RANBP2: variants seen among roughly 807,000 people sequenced by gnomAD.
The protein encoded by RANBP2 is E3 SUMO-protein ligase RanBP2.
RANBP2 carries 57 observed loss-of-function variants against 303.6 expected under a neutral mutation model. The ratio of observed to expected loss-of-function variants is 0.19; its 90% CI spans 0.15 to 0.23. The LOEUF (loss-of-function observed/expected upper bound fraction) is 0.23, where lower values mean the gene tolerates loss of function less well. RANBP2 is among the 10% of genes least tolerant of loss of function. The pLI, the probability that RANBP2 is intolerant of heterozygous loss-of-function variation, is 1.00. For synonymous variants in RANBP2, 1,167 were observed against 1,301.5 expected (o/e 0.90, Z 2.23); for missense variants, 3,138 against 3,780.8 (o/e 0.83, Z 4.46).
At chr2:109,680,039 T>A in the RANBP2 span, among the ~76,000 whole-genome samples, 1 of 150,764 alleles carries the variant, frequency 6.6e-6, no homozygotes, top group East Asian at 1.9e-4. Context: ...AGAGAAAAAA[T>A]AAAAATAAAA....
At chr2:108,800,741 A>G in the RANBP2 span, among the ~76,000 whole-genome samples, 1 of 111,850 alleles carries the variant, frequency 8.9e-6, no homozygotes, top group Non-Finnish European at 1.8e-5. Flanking sequence ...CTCATCATCT[A>G]GCATTAGGTA....
chr2:108,761,890 C>G (rs1191416251), intron 18 of RANBP2, among the ~76,000 whole-genome samples: 2 of 152,116 alleles, frequency 1.3e-5, no homozygotes, highest in East Asian at 1.9e-4. Flanking sequence ...ATGCTATTCT[C>G]TTATTCTTCA....
chr2:108,958,490 T>G, the RANBP2 span, among the ~76,000 whole-genome samples: 1,188 of 144,696 alleles, frequency 8.2e-3, 8 homozygotes, highest in South Asian at 0.03. Context: ...CTCACAAGGG[T>G]GCGTTTGTTC....
the RANBP2 span, among the ~76,000 whole-genome samples, chr2:109,697,498 A>G: frequency 2.0e-5 from 3 of 152,096 alleles, no homozygotes; most frequent in African/African-American, 7.2e-5. Context: ...AAAAAAAAAA[A>G]AAAGAGGCTT....
chr2:109,077,005 A>T, the RANBP2 span, among the ~76,000 whole-genome samples: 1 of 150,740 alleles, frequency 6.6e-6, no homozygotes, highest in Non-Finnish European at 1.5e-5. Flanking sequence ...CTGCAAAGCC[A>T]TACTAATCAA....
the RANBP2 span, among the ~76,000 whole-genome samples, chr2:108,796,404 C>A: frequency 8.5e-5 from 13 of 152,154 alleles, no homozygotes; most frequent in Admixed American, 8.5e-4. Context: ...GTAAGTACAG[C>A]CACTGTGGAA....
the RANBP2 span, among the ~76,000 whole-genome samples, chr2:109,126,694 AAC>A: frequency 2.0e-5 from 3 of 152,336 alleles, no homozygotes; most frequent in South Asian, 6.2e-4. Flanking sequence ...CAGGGACAGC[AAC>A]ACACACTGCA....
chr2:108,984,553 C>G, the RANBP2 span, among the ~76,000 whole-genome samples: 1 of 152,156 alleles, frequency 6.6e-6, no homozygotes, highest in Admixed American at 6.5e-5. Flanking sequence ...CTCACCCCAC[C>G]CCAGGGCCTC....
the RANBP2 span, among the ~76,000 whole-genome samples, chr2:109,726,644 C>T: frequency 4.5e-4 from 68 of 152,258 alleles, no homozygotes; most frequent in African/African-American, 1.6e-3. Context: ...ATCCTGCTAA[C>T]CAAGGAGTCT....
the RANBP2 span, chr2:109,564,420 C>T: frequency 1.3e-6 from 2 of 1,594,452 alleles, no homozygotes; most frequent in East Asian, 2.2e-5. Context: ...CTCCAGTTTG[C>T]AGCGCCTGTA....
At chr2:109,358,546 T>A in the RANBP2 span, among the ~76,000 whole-genome samples, 1 of 152,214 alleles carries the variant, frequency 6.6e-6, no homozygotes, top group Non-Finnish European at 1.5e-5. Flanking sequence ...TTGCTCCACA[T>A]CCTCATCAAC....
chr2:108,820,304 A>G, the RANBP2 span, among the ~76,000 whole-genome samples: 78 of 152,312 alleles, frequency 5.1e-4, no homozygotes, highest in African/African-American at 1.7e-3. Flanking sequence ...AAAACGAAGA[A>G]AAGTGACGAC....
At chr2:108,798,708 T>TACACAC in the RANBP2 span, 122 of 429,152 alleles carry the variant, frequency 2.8e-4, no homozygotes, top group African/African-American at 1.9e-3. Flanking sequence ...TCTCCACGCC[T>TACACAC]ACACACACAC....
chr2:108,826,350 A>G, the RANBP2 span, among the ~76,000 whole-genome samples: 15 of 152,144 alleles, frequency 9.9e-5, no homozygotes, highest in African/African-American at 7.2e-5. Flanking sequence ...ACAAAGATTT[A>G]TCTGTATGTT....
At chr2:109,591,607 G>C in the RANBP2 span, among the ~76,000 whole-genome samples, 1 of 152,164 alleles carries the variant, frequency 6.6e-6, no homozygotes, top group Non-Finnish European at 1.5e-5. Context: ...TAATCTTACT[G>C]AATTACTGGC....
the RANBP2 span, among the ~76,000 whole-genome samples, chr2:109,200,206 A>T: frequency 1.3e-5 from 2 of 152,038 alleles, no homozygotes; most frequent in African/African-American, 4.8e-5. Flanking sequence ...AAACTCCAGA[A>T]CACCCCATCT....
At chr2:109,337,178 T>G in the RANBP2 span, among the ~76,000 whole-genome samples, 1 of 152,200 alleles carries the variant, frequency 6.6e-6, no homozygotes, top group Non-Finnish European at 1.5e-5. Flanking sequence ...ATAGGGTGAT[T>G]TTTTCCTGAG....
the RANBP2 span, among the ~76,000 whole-genome samples, chr2:108,916,687 G>A: frequency 4.6e-5 from 7 of 152,140 alleles, no homozygotes; most frequent in East Asian, 3.9e-4. Context: ...TGCTTGCTCT[G>A]AGCACGTGTG....
At chr2:109,148,114 C>T in the RANBP2 span, among the ~76,000 whole-genome samples, 70 of 152,310 alleles carry the variant, frequency 4.6e-4, no homozygotes, top group African/African-American at 1.6e-3. Flanking sequence ...TCCTACACAG[C>T]CCCCTTTGTG....
Sources: allele counts gnomAD v4.1 joint callset (sites outside exome capture counted in the v4.1 genomes callset), GRCh38; gene constraint gnomAD v4.1.1; transcripts MANE v1.5; gene names NCBI Gene and HGNC (gene_info 2026-07-23, HGNC 2026-07-21).